The following NCKAP1 variants were observed in gnomAD, a reference collection of about 807,000 sequenced individuals.
The protein encoded by NCKAP1 is NCK associated protein 1.
In NCKAP1, 21 loss-of-function variants were observed where a neutral mutation model predicts 151.2. The observed-to-expected ratio is 0.14, with a 90% confidence interval of 0.10 to 0.20. The LOEUF (loss-of-function observed/expected upper bound fraction) is 0.20. NCKAP1 is among the 10% of genes least tolerant of loss of function. The pLI is 1.00. For synonymous variants in NCKAP1, 484 were observed against 451.8 expected, an observed-to-expected ratio of 1.07 and a Z score of -0.90; for missense variants, 933 against 1,352.1, an observed-to-expected ratio of 0.69 and a Z score of 4.86.
In NCKAP1 at chr2:182,956,493, A is replaced by C; in HGVS notation, c.2122T>G (p.Leu708Val). 6.2e-7 allele frequency: 1 copy of C among 1,611,754 alleles called. No homozygotes were observed. Among genetic ancestry groups the C allele is most frequent in the Non-Finnish European group, 8.5e-7 (1 of 1,179,008 alleles). ...WEHTFTPREY[L>V]TSHLEIRFTK... The stretch of plus-strand genomic sequence containing the variant: ...AAGCGTATTTCCAGATGAGAAGTCA[A>C]ATATTCTCGTGGGGTAAAGGTATGT... The change falls in exon 20 of 31, where the codon TTG (leucine) becomes GTG (valine). Residue 708 changes from leucine (L) to valine (V), a missense_variant. Leu to Val is a conservative substitution (Grantham distance 32). Transcript: ENST00000361354.
chr2:182,963,087 T>C (rs965551320), intron 17 of NCKAP1, among the ~76,000 whole-genome samples: 12 of 151,998 alleles, frequency 7.9e-5, no homozygotes, highest in African/African-American at 2.9e-4. Flanking sequence ...GTAAAATACA[T>C]AAAATATAAA....
intron 2 of NCKAP1, among the ~76,000 whole-genome samples, chr2:183,014,880 T>C (rs1209424513): frequency 6.6e-6 from 1 of 152,194 alleles, no homozygotes; most frequent in Non-Finnish European, 1.5e-5. Context: ...AGTGATAATG[T>C]CCTCTGCTAC....
Position 182,924,333 on chromosome 2 carries a change from G to C in NCKAP1, c.*1369C>G, listed in dbSNP as rs1208545873. ...GCAGCCTTCTTTTATCTTAACACAA[G>C]TTACCAGTGTATACATAAGAAGCTG... On this transcript the variant is annotated 3_prime_UTR_variant, in exon 31 of 31. Coordinates refer to ENST00000361354, the MANE Select transcript of NCKAP1 (RefSeq NM_013436.5). 1 of 152,066 alleles carries C rather than the reference G, an allele frequency of 6.6e-6. No homozygotes were observed. Among genetic ancestry groups the C allele is most frequent in the Admixed American group, 6.6e-5 (1 of 15,264 alleles). 9.4% of individuals were successfully genotyped at this position (152,066 alleles called of 1,614,324 possible). A position where few individuals can be genotyped will look rare whatever the true frequency, so the allele number is the denominator to read the frequency against.
At chr2:183,015,574 A>T (rs956889043) in intron 2 of NCKAP1, among the ~76,000 whole-genome samples, 1 of 152,032 alleles carries the variant, frequency 6.6e-6, no homozygotes, top group African/African-American at 2.4e-5. Context: ...AATTTCAGAA[A>T]GTCATGGTAT....
chr2:182,932,167 C>A (rs1366859643), intron 26 of NCKAP1, among the ~76,000 whole-genome samples: 1 of 152,130 alleles, frequency 6.6e-6, no homozygotes, highest in Non-Finnish European at 1.5e-5. Context: ...AAAACTTGTA[C>A]ACGGATGTTC....
chr2:182,940,292 C>A (rs959665229), intron 24 of NCKAP1, among the ~76,000 whole-genome samples: 10 of 152,042 alleles, frequency 6.6e-5, no homozygotes, highest in Non-Finnish European at 1.0e-4. Context: ...AACCAATGTA[C>A]AATAACAAAA....
intron 24 of NCKAP1, among the ~76,000 whole-genome samples, chr2:182,939,521 C>T (rs1696951011): frequency 6.6e-6 from 1 of 151,788 alleles, no homozygotes; most frequent in African/African-American, 2.4e-5. Context: ...GAGCAAGGCT[C>T]CGTCTCAAAA....
At chr2:182,990,980 C>T (rs1698157554) in intron 8 of NCKAP1, among the ~76,000 whole-genome samples, 1 of 152,110 alleles carries the variant, frequency 6.6e-6, no homozygotes, top group African/African-American at 2.4e-5. Context: ...AAACAGAATA[C>T]ATGTATGAAA....
chr2:182,928,593 A>G (rs992428711), intron 28 of NCKAP1, among the ~76,000 whole-genome samples, 190 bp downstream of exon 28: 1 of 152,088 alleles, frequency 6.6e-6, no homozygotes, highest in Non-Finnish European at 1.5e-5. Flanking sequence ...ACCGACCTCT[A>G]CACACATTCA....
chr2:182,974,288 G>A (rs1211637051), intron 15 of NCKAP1, among the ~76,000 whole-genome samples: 1 of 145,956 alleles, frequency 6.9e-6, no homozygotes, highest in African/African-American at 2.5e-5. Context: ...AAAAGGGTCT[G>A]TATGCAGTAG....
intron 6 of NCKAP1, among the ~76,000 whole-genome samples, chr2:182,998,702 C>T (rs772626870): frequency 2.0e-5 from 3 of 151,686 alleles, no homozygotes; most frequent in Non-Finnish European, 2.9e-5. Context: ...TGGTGACAGG[C>T]ACCTGTAATC....
intron 8 of NCKAP1, among the ~76,000 whole-genome samples, chr2:182,991,640 C>A (rs1258049538): frequency 6.6e-6 from 1 of 151,244 alleles, no homozygotes; most frequent in Non-Finnish European, 1.5e-5. Flanking sequence ...ATCTCCTTTA[C>A]CAAAATTAGG....
At chr2:183,004,395 C>G (rs1334594358) in intron 2 of NCKAP1, among the ~76,000 whole-genome samples, 1 of 148,832 alleles carries the variant, frequency 6.7e-6, no homozygotes, top group African/African-American at 2.5e-5. Context: ...TACTGAACCA[C>G]TATGGTAAGT....
At chr2:182,934,627 T>C in intron 26 of NCKAP1, 125 bp downstream of exon 26, 3 of 590,972 alleles carry the variant, frequency 5.1e-6, no homozygotes, top group Non-Finnish European at 8.9e-6. Flanking sequence ...AAGGCAAGCA[T>C]GCTAACTAAC....
intron 23 of NCKAP1, among the ~76,000 whole-genome samples, chr2:182,948,401 C>T (rs185352924): frequency 4.6e-5 from 7 of 152,166 alleles, no homozygotes; most frequent in South Asian, 2.1e-4. Flanking sequence ...ACATTGTTTA[C>T]AGTCGTTCCG....
chr2:182,998,834 CAAAAAAAA>C (rs1160835228), intron 6 of NCKAP1, among the ~76,000 whole-genome samples: 1 of 44,512 alleles, frequency 2.2e-5, no homozygotes, highest in Non-Finnish European at 4.3e-5. Flanking sequence ...AAGACTCCAA[CAAAAAAAA>C]AAAAAAAAAA....
chr2:182,924,681 G>A lies in NCKAP1; in HGVS notation c.*1021C>T, dbSNP rs1284487486. The A allele has an allele frequency of 1.3e-5, 2 of 151,928 alleles. No homozygotes were observed. Among genetic ancestry groups the A allele is most frequent in the Admixed American group, 6.6e-5 (1 of 15,244 alleles). The allele number at this position is 151,928 out of a possible 1,614,324, so 9.4% of individuals were successfully genotyped here. ...AAGTTCTTAATTTTTAAGAAGTATT[G>A]TGTAATTTTATTTTCTAATTTTGGT... On this transcript the variant is annotated 3_prime_UTR_variant, in exon 31 of 31. Transcript: ENST00000361354.
intron 4 of NCKAP1, 79 bp downstream of exon 4, chr2:183,002,895 T>C (rs1051850855): frequency 2.0e-6 from 2 of 987,658 alleles, no homozygotes; most frequent in East Asian, 2.4e-5. Context: ...TTACATAATC[T>C]AGCTAAAGAA....
At chr2:182,933,249 G>A (rs752720511) in intron 26 of NCKAP1, among the ~76,000 whole-genome samples, 2 of 152,068 alleles carry the variant, frequency 1.3e-5, no homozygotes, top group African/African-American at 2.4e-5. Flanking sequence ...AGGTAAAACA[G>A]ATAGATGTGA....
Sources: allele counts gnomAD v4.1 joint callset (sites outside exome capture counted in the v4.1 genomes callset), GRCh38; gene constraint gnomAD v4.1.1; transcripts MANE v1.5; gene names NCBI Gene and HGNC (gene_info 2026-07-23, HGNC 2026-07-21).